The following TET2 variants were observed in gnomAD, a reference collection of about 807,000 sequenced individuals.
The protein encoded by TET2 is tet methylcytosine dioxygenase 2.
TET2 carries 299 observed loss-of-function variants against 142.9 expected under a neutral mutation model. That is an observed-to-expected ratio of 2.09 (90% confidence interval 1.90 to 2.30). The LOEUF (loss-of-function observed/expected upper bound fraction) is 2.30. Ranked by LOEUF, TET2 falls within the 30% of genes most tolerant of loss-of-function variation. TET2 has a pLI of 0.00. For missense variants in TET2, 2,418 were observed against 2,378.0 expected (o/e 1.02, Z -0.35); for synonymous variants, 819 against 849.0 (o/e 0.96, Z 0.61).
chr4:105,250,902 A>G (rs1729841252), intron 6 of TET2, among the ~76,000 whole-genome samples: 1 of 151,584 alleles, frequency 6.6e-6, no homozygotes, highest in Non-Finnish European at 1.5e-5. Context: ...GGCTGGTCTC[A>G]AACACCTGGC....
At position 105,269,672 on chromosome 4, in the gene TET2, AG is replaced by A. The variant is rs756348991; in HGVS notation, c.4111del (p.Val1371SerfsTer77). 1 of 1,551,660 alleles carries A rather than the reference AG, an allele frequency of 6.4e-7. No homozygotes were observed. The highest frequency in any genetic ancestry group is 8.7e-7 in the Non-Finnish European group (1 of 1,146,952). ...GTCTGAAGGAAGGCCGTCCATTCTC[AG>A]GGGTCACTGCATGTTTGGACTTCTG... ...LGLKEGRPFSGVTACLDFCAH... is the reference protein window; with the variant it reads ...LGLKEGRPFSXVTACLDFCAH... On this transcript the variant is annotated frameshift_variant, in exon 9 of 11. Transcript: ENST00000380013. LOFTEE classifies it high-confidence loss of function.
chr4:105,213,778 CAGAG>C (rs1249471628), intron 2 of TET2, among the ~76,000 whole-genome samples: 1 of 152,168 alleles, frequency 6.6e-6, no homozygotes, highest in East Asian at 1.9e-4. Flanking sequence ...TAAAAGCTCT[CAGAG>C]AGAACTATGA....
At position 105,161,802 on chromosome 4, in the gene TET2, A is replaced by G. The variant is rs28613437; in HGVS notation, c.-193+14823A>G. On this transcript the variant is annotated intron_variant, in intron 1 of 10. Coordinates refer to ENST00000380013, the MANE Select transcript of TET2 (RefSeq NM_001127208.3). ...TGCATAGGCTGTCTTCATAAAGATGAGACTGAGTGACAGTTGTCTGTGTAT... is the reference window on the plus strand; with the variant it reads ...TGCATAGGCTGTCTTCATAAAGATGGGACTGAGTGACAGTTGTCTGTGTAT... 2.1e-3 allele frequency among the ~76,000 whole-genome samples: 326 copies of G among 152,326 alleles called. 3 individuals are homozygous for G. Among genetic ancestry groups the G allele is most frequent in the African/African-American group, 7.3e-3 (303 of 41,582 alleles).
chr4:105,153,170 A>G (rs771446483), intron 1 of TET2, among the ~76,000 whole-genome samples: 4 of 152,170 alleles, frequency 2.6e-5, no homozygotes, highest in Non-Finnish European at 4.4e-5. Context: ...TACTTGCTCA[A>G]TTTCCCCCAG....
intron 1 of TET2, among the ~76,000 whole-genome samples, chr4:105,164,952 T>C (rs1405270857): frequency 6.6e-6 from 1 of 152,154 alleles, no homozygotes; most frequent in African/African-American, 2.4e-5. Context: ...TACAAATTTG[T>C]CCATAGAAAT....
intron 1 of TET2, among the ~76,000 whole-genome samples, chr4:105,152,852 C>G (rs892767519): frequency 1.7e-4 from 26 of 152,224 alleles, no homozygotes; most frequent in African/African-American, 6.0e-4. Flanking sequence ...CTGCCCGGGT[C>G]TCCCAAAGTG....
rs530260499 is a variant in TET2, at chr4:105,229,295, T to C, written c.-46-4602T>C. 6.1e-4 allele frequency among the ~76,000 whole-genome samples: 93 copies of C among 152,312 alleles called. 1 individual carries two copies. In the South Asian group the frequency reaches 0.018, roughly 30 times the overall value. On this transcript the variant is annotated intron_variant, in intron 2 of 10. Transcript: ENST00000380013. ...CAGAAATAAAAACATCACTTTGTTT[T>C]CTTTGTCCAATATGAGTTATAACTT...
chr4:105,147,632 A>C (rs1225157881), intron 1 of TET2: 1 of 152,126 alleles, frequency 6.6e-6, no homozygotes, highest in East Asian at 1.9e-4. Context: ...AAGAGGAAAG[A>C]ATAGTTTCTC....
intron 1 of TET2, among the ~76,000 whole-genome samples, chr4:105,150,227 G>A (rs959322435): frequency 6.6e-5 from 10 of 151,996 alleles, no homozygotes; most frequent in African/African-American, 1.9e-4. Flanking sequence ...CAAAAGTTAC[G>A]GATGCTAGAC....
intron 2 of TET2, among the ~76,000 whole-genome samples, chr4:105,194,140 G>A (rs965135397): frequency 6.6e-6 from 1 of 152,092 alleles, no homozygotes; most frequent in Non-Finnish European, 1.5e-5. Context: ...TAATAAAAAA[G>A]TATTAGTGGT....
chr4:105,190,788 A>G (rs965212147), intron 2 of TET2: 16 of 318,636 alleles, frequency 5.0e-5, no homozygotes. Flanking sequence ...GATTATTCAA[A>G]TGTAACTATA....
rs1367035829 is a variant in TET2, at chr4:105,237,172, A to G, written c.3230A>G (p.His1077Arg). Residue 1077 changes from histidine (H) to arginine (R), a missense_variant, in exon 3 of 11, where the codon CAC becomes CGC. Physicochemically the swap from His to Arg is conservative, Grantham distance 29. Coordinates refer to ENST00000380013, the MANE Select transcript of TET2 (RefSeq NM_001127208.3). ...ACCACTGCTGCAGAACTTGATAGCC[A>G]CACCCCAGCTTTAGAGCAGCAAACA... is the stretch of plus-strand genomic sequence containing the variant. ...RQTTAAELDSHTPALEQQTTS... is the reference protein window; with the variant it reads ...RQTTAAELDSRTPALEQQTTS... 2.5e-6 allele frequency: 4 copies of G among 1,614,046 alleles called. No homozygotes were observed. Among genetic ancestry groups the G allele is most frequent in the Non-Finnish European group, 3.4e-6 (4 of 1,180,040 alleles).
At chr4:105,246,220 G>A (rs1729576718) in intron 6 of TET2, among the ~76,000 whole-genome samples, 1 of 152,158 alleles carries the variant, frequency 6.6e-6, no homozygotes, top group African/African-American at 2.4e-5. Flanking sequence ...ACCATGCCCA[G>A]CCAGCTTTTC....
chr4:105,251,158 G>C (rs1173447386), intron 6 of TET2, among the ~76,000 whole-genome samples: 1 of 151,838 alleles, frequency 6.6e-6, no homozygotes, highest in Non-Finnish European at 1.5e-5. Context: ...AGGATTTGCT[G>C]CATACAAGAT....
chr4:105,178,437 T>C (rs981878965), intron 1 of TET2, among the ~76,000 whole-genome samples: 3 of 152,188 alleles, frequency 2.0e-5, no homozygotes, highest in Non-Finnish European at 4.4e-5. Context: ...GAGGGAGGAA[T>C]GTATAGGCAA....
chr4:105,190,706 G>A (rs1268754032), intron 2 of TET2: 1 of 467,716 alleles, frequency 2.1e-6, no homozygotes, highest in Non-Finnish European at 3.8e-6. Context: ...CTTATGTATA[G>A]CTGTATTTTT....
intron 2 of TET2, among the ~76,000 whole-genome samples, chr4:105,214,301 ATTT>A (rs35390923): frequency 3.5e-5 from 3 of 86,034 alleles, no homozygotes; most frequent in African/African-American, 4.8e-5. Flanking sequence ...CCCGAGGGAG[ATTT>A]TTTTTTTTTT....
At position 105,276,835 on chromosome 4, in the gene TET2, T is replaced by TGGGGGGGGGGGGGGGGGG; in HGVS notation, c.*317_*318insGGGGGGGGGGGGGGGGGG. ...TATTGGACGAGATGATATGTAAATG[T>TGGGGGGGGGGGGGGGGGG]GATCCCCCCCCCCCGCTTACAACTC... On this transcript the variant is annotated 3_prime_UTR_variant, in exon 11 of 11. Transcript: ENST00000380013. 4.4e-6 allele frequency: 1 copy of TGGGGGGGGGGGGGGGGGG among 228,252 alleles called. No individual in the cohort carries two copies. Among genetic ancestry groups the TGGGGGGGGGGGGGGGGGG allele is most frequent in the Non-Finnish European group, 8.0e-6 (1 of 125,256 alleles). 14.1% of individuals were successfully genotyped at this position (228,252 alleles called of 1,614,324 possible).
chr4:105,186,604 T>C (rs1725471810), intron 1 of TET2, among the ~76,000 whole-genome samples: 1 of 151,486 alleles, frequency 6.6e-6, no homozygotes, highest in Admixed American at 6.6e-5. Context: ...CCCCAGTAGC[T>C]GGGACTACAG....
Sources: gnomAD v4.1 joint callset for allele counts (sites outside exome capture counted in the v4.1 genomes callset) on GRCh38, gnomAD v4.1.1 for gene constraint, MANE v1.5 for transcripts, NCBI Gene and HGNC (gene_info 2026-07-23, HGNC 2026-07-21) for gene names.